Variants in CP observed in about 807,000 individuals in gnomAD.
CP encodes caeruloplasmin.
In CP, 64 loss-of-function variants were observed where a neutral mutation model predicts 122.4. The ratio of observed to expected loss-of-function variants is 0.52; its 90% CI spans 0.43 to 0.64. The LOEUF is 0.64. CP is among the 30% of genes least tolerant of loss of function. The pLI, the probability that CP is intolerant of heterozygous loss-of-function variation, is 0.00. For synonymous variants in CP, 440 were observed against 436.4 expected, an observed-to-expected ratio of 1.01 and a Z score of -0.10; for missense variants, 1,167 against 1,284.4, an observed-to-expected ratio of 0.91 and a Z score of 1.40.
At chr3:149,176,680 A>C (rs1255757961) in intron 17 of CP, 1 of 397,826 alleles carries the variant, frequency 2.5e-6, no homozygotes, top group East Asian at 5.3e-5. Context: ...CTGTACCTTG[A>C]TTCTGGTTTG....
At position 149,185,450 on chromosome 3, in the gene CP, G is replaced by A. The variant is rs1449708591; in HGVS notation, c.2078-4C>T. ...AGGCATTCAACATTAAAAGTCCCTG[G>A]AGTGGTAAATAAGAAAACATGTCAC... On this transcript the variant is annotated splice_polypyrimidine_tract_variant and splice_region_variant and intron_variant, in intron 11 of 18. Transcript: ENST00000264613. The A allele has an allele frequency of 4.3e-6, 7 of 1,613,918 alleles. No homozygotes were observed. The African/African-American group carries it at 8.0e-5, about 18-fold the overall frequency.
intron 6 of CP, among the ~76,000 whole-genome samples, chr3:149,202,571 T>C (rs1179824685): frequency 2.6e-5 from 4 of 151,516 alleles, no homozygotes; most frequent in Admixed American, 2.0e-4. Flanking sequence ...AAAAACACAG[T>C]GGCTAGTTTT....
At chr3:149,167,967 C>A (rs917888974), downstream of CP, 5 of 1,576,362 alleles carry the variant, frequency 3.2e-6, no homozygotes, top group African/African-American at 5.4e-5. Flanking sequence ...ATCAACTCTA[C>A]CTGTCATCAT....
At chr3:149,184,278 G>A (rs1030233182) in intron 12 of CP, among the ~76,000 whole-genome samples, 36 of 151,812 alleles carry the variant, frequency 2.4e-4, no homozygotes, top group African/African-American at 7.7e-4. Context: ...CTCGTGATCC[G>A]CCCGCCTCGG....
chr3:149,175,125 A>G (rs1320535565), intron 18 of CP, among the ~76,000 whole-genome samples: 2 of 151,940 alleles, frequency 1.3e-5, no homozygotes, highest in African/African-American at 2.4e-5. Context: ...ACTCACCATT[A>G]TTTTTTTGAG....
intron 1 of CP, 131 bp from the exon 2 acceptor site, chr3:149,212,829 G>A: frequency 8.8e-7 from 1 of 1,132,394 alleles, no homozygotes; most frequent in Non-Finnish European, 1.2e-6. Context: ...CTGTTGTAGG[G>A]ATGCCTCCAA....
At chr3:149,175,482 T>G (rs1418574416) in intron 18 of CP, among the ~76,000 whole-genome samples, 4 of 152,164 alleles carry the variant, frequency 2.6e-5, no homozygotes, top group African/African-American at 9.7e-5. Context: ...ATTTGTATGT[T>G]CCCTTTTTCC....
chr3:149,166,290 T>C (rs1456310224), intron 4 of CP, among the ~76,000 whole-genome samples: 1 of 152,220 alleles, frequency 6.6e-6, no homozygotes, highest in African/African-American at 2.4e-5. Flanking sequence ...CACTTTAGTC[T>C]TATTAAGTGT....
intron 3 of CP, 83 bp from the exon 4 acceptor site, chr3:149,209,467 A>T (rs1368897557): frequency 7.2e-7 from 1 of 1,382,370 alleles, no homozygotes; most frequent in Non-Finnish European, 1.0e-6. Flanking sequence ...TATAGTTTTT[A>T]AAAATGTTAG....
At chr3:149,163,804 G>T (rs1021909752) in intron 5 of CP, 1 of 1,106,672 alleles carries the variant, frequency 9.0e-7, no homozygotes, top group African/African-American at 1.5e-5. Flanking sequence ...AGCTTTTGTT[G>T]TTATATTTTG....
chr3:149,209,091 C>G, intron 4 of CP, 120 bp downstream of exon 4: 6 of 1,294,550 alleles, frequency 4.6e-6, no homozygotes, highest in Non-Finnish European at 6.5e-6. Context: ...ATCCAATATG[C>G]TTTGTTATAA....
intron 5 of CP, chr3:149,162,953 CTT>C: frequency 3.3e-6 from 4 of 1,224,276 alleles, no homozygotes; most frequent in Non-Finnish European, 4.8e-6. Flanking sequence ...TTTTTAATAA[CTT>C]ATTATAAAAT....
chr3:149,196,437 A>G (rs1018002396), intron 9 of CP, among the ~76,000 whole-genome samples: 2 of 152,212 alleles, frequency 1.3e-5, no homozygotes, highest in Non-Finnish European at 2.9e-5. Context: ...AAGCAACTCT[A>G]GTGCCCACAT....
chr3:149,194,481 C>T (rs1237441208), intron 9 of CP, among the ~76,000 whole-genome samples: 1 of 152,038 alleles, frequency 6.6e-6, no homozygotes, highest in Non-Finnish European at 1.5e-5. Flanking sequence ...TCAAGTGATC[C>T]ACTGACCTCA....
intron 1 of CP, among the ~76,000 whole-genome samples, chr3:149,214,810 A>T (rs1728351249): frequency 6.6e-6 from 1 of 152,234 alleles, no homozygotes. Flanking sequence ...TCTTAACAAC[A>T]GCAAAATTGT....
intron 18 of CP, among the ~76,000 whole-genome samples, chr3:149,175,441 C>A (rs1306473870): frequency 6.6e-6 from 1 of 152,188 alleles, no homozygotes; most frequent in East Asian, 1.9e-4. Flanking sequence ...CTTTTTAAAT[C>A]TTCAAATATA....
intron 9 of CP, among the ~76,000 whole-genome samples, chr3:149,192,015 C>T (rs535264784): frequency 2.0e-5 from 3 of 151,950 alleles, no homozygotes; most frequent in Non-Finnish European, 4.4e-5. Context: ...ATAAAAACTA[C>T]CAATGGCAGT....
At chr3:149,172,320 A>T (rs113951847), downstream of CP, 2,867 of 250,776 alleles carry the variant, frequency 0.011, 37 homozygotes, top group South Asian at 0.037. Context: ...TTTATATATC[A>T]CACACACACA....
chr3:149,209,491 G>T (rs1010705688), intron 3 of CP, 107 bp from the exon 4 acceptor site: 2 of 1,192,682 alleles, frequency 1.7e-6, no homozygotes, highest in East Asian at 2.6e-5. Flanking sequence ...TTATTTTTTC[G>T]AATAAATCAC....
Sources: gnomAD v4.1 joint callset for allele counts (sites outside exome capture counted in the v4.1 genomes callset) on GRCh38, gnomAD v4.1.1 for gene constraint, MANE v1.5 for transcripts, NCBI Gene and HGNC (gene_info 2026-07-23, HGNC 2026-07-21) for gene names.